Variants in ADGRG2 observed in about 807,000 individuals in gnomAD.
The protein encoded by ADGRG2 is G protein-coupled receptor 64.
ADGRG2 carries 26 observed loss-of-function variants against 74.1 expected under a neutral mutation model. The observed-to-expected ratio is 0.35, with a 90% confidence interval of 0.26 to 0.49. ADGRG2 has a LOEUF of 0.49. ADGRG2 is among the 20% of genes least tolerant of loss of function. The pLI is 0.99. For missense variants in ADGRG2, 619 were observed against 763.1 expected (o/e 0.81, Z 2.22); for synonymous variants, 296 against 295.2 (o/e 1.00, Z -0.03).
chrX:19,110,408 C>T (rs747350986), intron 1 of ADGRG2, among the ~76,000 whole-genome samples: 3 of 111,145 alleles, frequency 2.7e-5, no homozygotes, highest in South Asian at 3.9e-4. Flanking sequence ...AGGGACCAGG[C>T]GCGGTGGCTC....
chrX:19,073,630 T>C (rs944797875), intron 2 of ADGRG2, among the ~76,000 whole-genome samples: 3 of 112,060 alleles, frequency 2.7e-5, no homozygotes, highest in African/African-American at 9.7e-5. Context: ...CAACCTGTTA[T>C]GCCAATAAAT....
At chrX:19,028,711 G>T (rs985915071) in intron 9 of ADGRG2, among the ~76,000 whole-genome samples, 1 of 111,455 alleles carries the variant, frequency 9.0e-6, no homozygotes, top group African/African-American at 3.3e-5. Context: ...TTATGAGTTT[G>T]TGTTGGGCCA....
In ADGRG2 at chrX:18,989,818, T is replaced by TATG. The variant is rs749639307; in HGVS notation, c.*1043_*1045dup. On this transcript the variant is annotated 3_prime_UTR_variant, in exon 29 of 29. Transcript: ENST00000379869. ...CGGCAATATGATTTTTTTCCATATATATGTACCTTTTTAAGAGAAGGAATC... is the reference window on the plus strand; with the variant it reads ...CGGCAATATGATTTTTTTCCATATATATGATGTACCTTTTTAAGAGAAGGAATC... The TATG allele has an allele frequency of 1.3e-4, 15 of 112,317 alleles. No individual in the cohort carries two copies. The East Asian group carries it at 4.2e-3, about 31-fold the overall frequency. 9.3% of individuals were successfully genotyped at this position (112,317 alleles called of 1,213,427 possible).
rs190029088 is a variant in ADGRG2, at chrX:19,107,649, T to G, written c.-47+14793A>C. ...AGTTTTGTTTTTTGTTTTTTTTTTTTTTTTCATTTCAAAAGAAATACAGCT... is the reference window on the plus strand; with the variant it reads ...AGTTTTGTTTTTTGTTTTTTTTTTTGTTTTCATTTCAAAAGAAATACAGCT... On this transcript the variant is annotated intron_variant, in intron 1 of 28. Transcript: ENST00000379869. Among the ~76,000 whole-genome samples the G allele has an allele frequency of 5.0e-3, 539 of 107,484 alleles. 5 individuals carry two copies. Among genetic ancestry groups the G allele is most frequent in the African/African-American group, 0.017 (508 of 29,707 alleles). 93.3% of individuals were successfully genotyped at this position (107,484 alleles called of 115,157 possible).
intron 1 of ADGRG2, among the ~76,000 whole-genome samples, chrX:19,114,030 C>T (rs1374140039): frequency 9.7e-6 from 1 of 102,746 alleles, no homozygotes; most frequent in African/African-American, 3.6e-5. Flanking sequence ...CGAGATTGCA[C>T]CACTGCACTC....
chrX:19,004,597 C>T (rs1027772132), intron 23 of ADGRG2, among the ~76,000 whole-genome samples, 161 bp downstream of exon 23: 2 of 111,925 alleles, frequency 1.8e-5, no homozygotes, highest in African/African-American at 6.5e-5. Flanking sequence ...TGTGAGGACA[C>T]AAGCATATAA....
chrX:19,028,207 A>G lies in ADGRG2; in HGVS notation c.390T>C (p.Tyr130=). ...AFFRGEIMFQ[Y]DKESTVPQNQ... Reference sequence around the variant, plus strand: ...CCTGGGGAACAGTGCTTTCTTTATCATATTGAAACATGATCTCACCTCTAA... The same window carrying G: ...CCTGGGGAACAGTGCTTTCTTTATCGTATTGAAACATGATCTCACCTCTAA... The change falls in exon 10 of 29, where the codon TAT becomes TAC. Residue 130 remains tyrosine, a synonymous_variant. Coordinates refer to ENST00000379869, the MANE Select transcript of ADGRG2 (RefSeq NM_001079858.3). 9.1e-7 allele frequency: 1 copy of G among 1,093,177 alleles called. No individual in the cohort carries two copies. Among genetic ancestry groups the G allele is most frequent in the Non-Finnish European group, 1.3e-6 (1 of 794,434 alleles). 90.1% of individuals were successfully genotyped at this position (1,093,177 alleles called of 1,213,427 possible).
chrX:19,080,157 G>A (rs1410533768), intron 2 of ADGRG2, among the ~76,000 whole-genome samples: 3 of 109,603 alleles, frequency 2.7e-5, no homozygotes, highest in Admixed American at 1.9e-4. Context: ...TGACCCACCC[G>A]CCTCGGCCTC....
At chrX:19,074,050 T>C (rs1314183714) in intron 2 of ADGRG2, among the ~76,000 whole-genome samples, 1 of 110,900 alleles carries the variant, frequency 9.0e-6, no homozygotes, top group African/African-American at 3.3e-5. Context: ...ATCAGGAAAC[T>C]GGTAAGAAAA....
rs2059904478 is a variant in ADGRG2, at chrX:18,990,551, C to T, written c.*313G>A. The T allele has an allele frequency of 6.7e-6, 1 of 149,971 alleles. No homozygotes were observed. 12.4% of individuals were successfully genotyped at this position (149,971 alleles called of 1,213,427 possible). On this transcript the variant is annotated 3_prime_UTR_variant, in exon 29 of 29. Coordinates refer to ENST00000379869, the MANE Select transcript of ADGRG2 (RefSeq NM_001079858.3). ...TATGATGTTATCAAAGATAACTTAG[C>T]CTCTTTAAAAGGTAGCTGAAAGTTC...
At chrX:19,030,753 T>G (rs2146689262) in intron 9 of ADGRG2, among the ~76,000 whole-genome samples, 1 of 112,346 alleles carries the variant, frequency 8.9e-6, no homozygotes, top group East Asian at 2.8e-4. Flanking sequence ...TGTAGAGCTT[T>G]ATGTCTCATA....
At chrX:19,094,400 GGGATACAGCA>G (rs1250878270) in intron 1 of ADGRG2, among the ~76,000 whole-genome samples, 1 of 110,638 alleles carries the variant, frequency 9.0e-6, no homozygotes, top group Non-Finnish European at 1.9e-5. Context: ...GTGGTGAACA[GGGATACAGCA>G]GGCCTCAGTG....
intron 1 of ADGRG2, among the ~76,000 whole-genome samples, chrX:19,111,910 C>T (rs1481034017): frequency 9.1e-6 from 1 of 110,189 alleles, no homozygotes; most frequent in African/African-American, 3.3e-5. Context: ...TATTTGATAC[C>T]AAAAATAAAT....
At chrX:19,108,797 G>A (rs1157915929) in intron 1 of ADGRG2, among the ~76,000 whole-genome samples, 2 of 111,889 alleles carry the variant, frequency 1.8e-5, no homozygotes, top group Non-Finnish European at 3.8e-5. Flanking sequence ...GCTTGTGTGG[G>A]ATTCTTGATC....
chrX:19,097,729 G>A (rs771360582), intron 1 of ADGRG2, among the ~76,000 whole-genome samples: 1 of 111,241 alleles, frequency 9.0e-6, no homozygotes, highest in South Asian at 3.9e-4. Context: ...TCACTGCATC[G>A]AGGGTGAGCG....
In ADGRG2 at chrX:18,996,159, A is replaced by G; in HGVS notation, c.2615-7T>C. ...AAGATGAATATGAAAAATCCTAAGG[A>G]GGGAAAAAAAACCCACAATGAATTC... On this transcript the variant is annotated splice_region_variant and splice_polypyrimidine_tract_variant and intron_variant, in intron 26 of 28. Coordinates refer to ENST00000379869, the MANE Select transcript of ADGRG2 (RefSeq NM_001079858.3). The G allele has an allele frequency of 1.0e-6, 1 of 955,209 alleles. No homozygotes were observed. 78.7% of individuals were successfully genotyped at this position (955,209 alleles called of 1,213,427 possible).
At chrX:19,030,068 A>G (rs758502271) in intron 9 of ADGRG2, among the ~76,000 whole-genome samples, 2 of 112,323 alleles carry the variant, frequency 1.8e-5, no homozygotes, top group South Asian at 7.4e-4. Context: ...TTTCTAATTT[A>G]TCCAACCTTA....
Position 19,099,958 on chromosome X carries a change from C to A in ADGRG2, c.-46-17212G>T, listed in dbSNP as rs1400672360. 3.6e-5 allele frequency among the ~76,000 whole-genome samples: 4 copies of A among 111,427 alleles called. No homozygotes were observed. The East Asian group carries it at 1.1e-3, about 32-fold the overall frequency. On this transcript the variant is annotated intron_variant, in intron 1 of 28. Transcript: ENST00000379869. Reference sequence around the variant, plus strand: ...GCTGAGGTGGGAGGATCACTTGAGCCCAGGAGGTTGAGGCTGCAGTGAGCC... The same window carrying A: ...GCTGAGGTGGGAGGATCACTTGAGCACAGGAGGTTGAGGCTGCAGTGAGCC...
Position 18,996,086 on chromosome X carries a change from A to G in ADGRG2, c.2681T>C (p.Leu894Pro). 8.4e-7 allele frequency: 1 copy of G among 1,187,815 alleles called. No homozygotes were observed. Among genetic ancestry groups the G allele is most frequent in the Non-Finnish European group, 1.1e-6 (1 of 874,382 alleles). The change falls in exon 27 of 29, where the codon CTT becomes CCT. Residue 894 changes from leucine to proline, a missense_variant. Physicochemically the swap from Leu to Pro is moderately conservative, Grantham distance 98. Transcript: ENST00000379869. ...ENVRKQWRRY[L>P]CCGKLRLAEN... Reference sequence around the variant, plus strand: ...AGCCAGCCGTAACTTTCCACAACAAAGATACCGCCTCCATTGCTTCCTGAC... The same window carrying G: ...AGCCAGCCGTAACTTTCCACAACAAGGATACCGCCTCCATTGCTTCCTGAC...
Sources: allele counts gnomAD v4.1 joint callset (sites outside exome capture counted in the v4.1 genomes callset), GRCh38; gene constraint gnomAD v4.1.1; transcripts MANE v1.5; gene names NCBI Gene and HGNC (gene_info 2026-07-23, HGNC 2026-07-21).